The following TLE4 variants were observed in gnomAD, a reference collection of about 807,000 sequenced individuals.
TLE4 encodes the protein TLE family member 4, transcriptional corepressor, also known as transducin-like enhancer protein 4.
In TLE4, 8 loss-of-function variants were observed where a neutral mutation model predicts 92.8. That is an observed-to-expected ratio of 0.09 (90% confidence interval 0.05 to 0.16). The LOEUF is 0.16. Among genes scored for constraint, TLE4 ranks in the 10% least tolerant of loss-of-function variants. TLE4 has a pLI of 1.00. For missense variants in TLE4, 675 were observed against 997.6 expected, an observed-to-expected ratio of 0.68 and a Z score of 4.36; for synonymous variants, 371 against 374.1, an observed-to-expected ratio of 0.99 and a Z score of 0.10.
In TLE4 at chr9:79,654,070, A is replaced by G; in HGVS notation, c.604A>G (p.Ile202Val). 1 of 1,613,784 alleles carries G rather than the reference A, an allele frequency of 6.2e-7. No individual in the cohort carries two copies. The highest frequency in any genetic ancestry group is 8.5e-7 in the Non-Finnish European group (1 of 1,179,806). Residue 202 changes from isoleucine (I) to valine (V), a missense_variant, in exon 8 of 20, where the codon ATC becomes GTC. Ile to Val is a conservative substitution (Grantham distance 29). This residue lies in a region of TLE4 where 280 missense variants were observed against 287.3 expected (regional missense o/e 0.97). Coordinates refer to ENST00000376552, the MANE Select transcript of TLE4 (RefSeq NM_007005.6). Reference sequence around the variant, plus strand: ...TGTTTTGCATATAGACAGAGACTCCATCAAGGTAGGACTCAAAATTTACAG... The same window carrying G: ...TGTTTTGCATATAGACAGAGACTCCGTCAAGGTAGGACTCAAAATTTACAG... ...DNDHQRDRDS[I>V]KSSSVSPSAS...
At chr9:79,671,674 T>G (rs531315948) in intron 8 of TLE4, 19 of 159,356 alleles carry the variant, frequency 1.2e-4, no homozygotes, top group Non-Finnish European at 4.2e-5. Context: ...ATTTGCAGCT[T>G]CTTTTCTTCA....
At chr9:79,609,795 A>G (rs1480470908) in intron 4 of TLE4, among the ~76,000 whole-genome samples, 3 of 152,074 alleles carry the variant, frequency 2.0e-5, no homozygotes, top group South Asian at 2.1e-4. Context: ...TAAATGGGCT[A>G]TCTGTGAATG....
intron 8 of TLE4, among the ~76,000 whole-genome samples, chr9:79,697,674 G>A (rs973934204): frequency 1.4e-4 from 22 of 151,960 alleles, no homozygotes; most frequent in African/African-American, 4.6e-4. Flanking sequence ...AGGACATTAA[G>A]ATAATGTTCT....
intron 4 of TLE4, among the ~76,000 whole-genome samples, chr9:79,606,387 T>C (rs2046978885): frequency 6.7e-6 from 1 of 150,116 alleles, no homozygotes; most frequent in Non-Finnish European, 1.5e-5. Context: ...TTTTTTTTTT[T>C]TTAAATACTT....
intron 12 of TLE4, 26 bp from the exon 13 acceptor site, chr9:79,708,557 GTTCTTCATTT>G: frequency 1.3e-6 from 2 of 1,579,864 alleles, no homozygotes; most frequent in Non-Finnish European, 8.6e-7. Context: ...TGTTTCCTGT[GTTCTTCATTT>G]TTCTTCCATC....
intron 5 of TLE4, among the ~76,000 whole-genome samples, chr9:79,615,355 A>C (rs2049296302): frequency 6.6e-6 from 1 of 152,170 alleles, no homozygotes; most frequent in Non-Finnish European, 1.5e-5. Flanking sequence ...TCGCTACCAA[A>C]ACGGCAGCTG....
chr9:79,580,973 CTA>C (rs957913105), intron 4 of TLE4, among the ~76,000 whole-genome samples: 41 of 151,930 alleles, frequency 2.7e-4, no homozygotes, highest in African/African-American at 4.6e-4. Context: ...AATTATAAGA[CTA>C]TGTGTGTGGG....
chr9:79,576,223 A>G (rs1434337360), intron 4 of TLE4, 46 bp downstream of exon 4: 13 of 1,342,640 alleles, frequency 9.7e-6, no homozygotes, highest in Admixed American at 4.2e-5. Flanking sequence ...TAATACTGGG[A>G]CACTATGAAA....
At chr9:79,579,036 A>G (rs909667974) in intron 4 of TLE4, among the ~76,000 whole-genome samples, 2 of 152,216 alleles carry the variant, frequency 1.3e-5, no homozygotes, top group African/African-American at 4.8e-5. Context: ...AAGATGACAA[A>G]TAGGACATGG....
chr9:79,678,796 G>A (rs544665395), intron 8 of TLE4, among the ~76,000 whole-genome samples: 51 of 119,800 alleles, frequency 4.3e-4, no homozygotes, highest in Non-Finnish European at 6.5e-4. Context: ...AACAGTCCCC[G>A]GAGTATGATG....
chr9:79,721,622 A>C, intron 16 of TLE4, 119 bp from the exon 17 acceptor site: 1 of 1,461,996 alleles, frequency 6.8e-7, no homozygotes, highest in African/African-American at 1.4e-5. Context: ...AACCATAATA[A>C]ACCAAAATGA....
intron 5 of TLE4, among the ~76,000 whole-genome samples, chr9:79,626,752 G>C (rs1334074718): frequency 6.6e-6 from 1 of 151,948 alleles, no homozygotes; most frequent in Non-Finnish European, 1.5e-5. Flanking sequence ...CACTTTTGTG[G>C]GCTTTAGTTT....
chr9:79,573,322 G>A (rs1166766087), intron 1 of TLE4: 3 of 1,062,890 alleles, frequency 2.8e-6, no homozygotes, highest in African/African-American at 3.4e-5. Flanking sequence ...CCTGACCGCA[G>A]CCCGACGCCA....
intron 14 of TLE4, among the ~76,000 whole-genome samples, chr9:79,718,344 G>A (rs568856256): frequency 6.6e-6 from 1 of 152,310 alleles, no homozygotes; most frequent in African/African-American, 2.4e-5. Flanking sequence ...TCATCCAAAG[G>A]AGAAGGCAAT....
chr9:79,681,989 C>G (rs11790265), intron 8 of TLE4, among the ~76,000 whole-genome samples: 1,649 of 151,834 alleles, frequency 0.011, 15 homozygotes, highest in Non-Finnish European at 0.015. Context: ...TTGAACTTAC[C>G]TCACTGGTGT....
chr9:79,653,578 T>C, intron 7 of TLE4, among the ~76,000 whole-genome samples: 1 of 152,236 alleles, frequency 6.6e-6, no homozygotes, highest in East Asian at 1.9e-4. Flanking sequence ...TTTGGGAATT[T>C]ACTTAGCACA....
intron 11 of TLE4, 134 bp downstream of exon 11, chr9:79,707,033 A>C: frequency 6.4e-7 from 1 of 1,566,436 alleles, no homozygotes; most frequent in Non-Finnish European, 8.7e-7. Context: ...TCGGTATTTA[A>C]GTTTAATTGG....
At chr9:79,632,806 G>A (rs1037551409) in intron 6 of TLE4, among the ~76,000 whole-genome samples, 2 of 152,146 alleles carry the variant, frequency 1.3e-5, no homozygotes, top group South Asian at 2.1e-4. Flanking sequence ...TTTCAGCTTT[G>A]TTACTGTCTT....
chr9:79,718,007 T>A (rs1191738178), intron 14 of TLE4: 1 of 456,486 alleles, frequency 2.2e-6, no homozygotes, highest in African/African-American at 2.0e-5. Context: ...GACCAAATGC[T>A]TTTACCACCT....
Sources: allele counts gnomAD v4.1 joint callset (sites outside exome capture counted in the v4.1 genomes callset), GRCh38; gene constraint gnomAD v4.1.1; regional missense constraint gnomAD v4.1.1; transcripts MANE v1.5; gene names NCBI Gene and HGNC (gene_info 2026-07-23, HGNC 2026-07-21).